Variants in ARMC6 observed in about 807,000 individuals in gnomAD.
ARMC6 encodes the protein armadillo repeat containing 6, also known as armadillo repeat-containing protein 6.
In ARMC6, 43 loss-of-function variants were observed where a neutral mutation model predicts 49.2. That is an observed-to-expected ratio of 0.87 (90% CI 0.69 to 1.13). The LOEUF is 1.13. Among genes scored for constraint, ARMC6 ranks in the 50% most tolerant of loss-of-function variants. The pLI is 0.00. For missense variants in ARMC6, 627 were observed against 682.0 expected (o/e 0.92, Z 0.90); for synonymous variants, 262 against 289.6 (o/e 0.90, Z 0.97).
intron 8 of ARMC6, among the ~76,000 whole-genome samples, chr19:19,056,459 GCC>G (rs1481929615): frequency 6.6e-6 from 1 of 152,006 alleles, no homozygotes; most frequent in Non-Finnish European, 1.5e-5. Context: ...ACAAGGTTTT[GCC>G]ATGTTAGCCA....
intron 2 of ARMC6, chr19:19,037,630 T>A: frequency 8.1e-7 from 1 of 1,240,934 alleles, no homozygotes; most frequent in Admixed American, 2.7e-5. Flanking sequence ...CCTCCCAAAG[T>A]GCAGGCCACC....
At chr19:19,038,609 C>G (rs893857764) in intron 2 of ARMC6, among the ~76,000 whole-genome samples, 9 of 152,152 alleles carry the variant, frequency 5.9e-5, no homozygotes, top group Non-Finnish European at 1.2e-4. Flanking sequence ...CGAAGTCTTG[C>G]TCTTGTTGCC....
chr19:19,055,058 G>C lies in ARMC6; in HGVS notation c.1024-207G>C, dbSNP rs534443620. Among the ~76,000 whole-genome samples, 1 of 152,168 alleles carries C rather than the reference G, an allele frequency of 6.6e-6. No individual in the cohort carries two copies. Among genetic ancestry groups the C allele is most frequent in the Non-Finnish European group, 1.5e-5 (1 of 68,034 alleles). On this transcript the variant is annotated intron_variant, in intron 6 of 8. Transcript: ENST00000535612. The surrounding 1 kb of genome is among the most constrained non-coding windows in gnomAD (Gnocchi z 5.7). ...GTCACATGCCCCCGCTGCCCCTGTC[G>C]GGGTAGGGGATCAAGTCACCTGGAT...
At chr19:19,041,739 G>A (rs1022566914) in intron 2 of ARMC6, among the ~76,000 whole-genome samples, 2 of 152,096 alleles carry the variant, frequency 1.3e-5, no homozygotes, top group Non-Finnish European at 1.5e-5. Flanking sequence ...ACAACTTGAC[G>A]ATTTTATATG....
intron 3 of ARMC6, among the ~76,000 whole-genome samples, chr19:19,043,672 G>A (rs1370666885): frequency 6.6e-6 from 1 of 152,090 alleles, no homozygotes; most frequent in Non-Finnish European, 1.5e-5. Context: ...AGGCTGTGGG[G>A]TCCCTCCCTC....
intron 5 of ARMC6, among the ~76,000 whole-genome samples, chr19:19,053,529 G>A (rs1288318199): frequency 6.6e-6 from 1 of 152,176 alleles, no homozygotes; most frequent in African/African-American, 2.4e-5. Context: ...ATAGCTGATT[G>A]TGGATGGTAA....
Position 19,055,384 on chromosome 19 carries a change from G to C in ARMC6, c.1143G>C (p.Leu381=), listed in dbSNP as rs2059535508. The C allele has an allele frequency of 1.2e-6, 2 of 1,607,798 alleles. No homozygotes were observed. The highest frequency in any genetic ancestry group is 3.4e-5 in the Admixed American group (2 of 58,616). Reference sequence around the variant, plus strand: ...TCGTGGCTGCTATGACCCAGCATCTGACCAGCCCCCAGGTACCCACCTCGG... The same window carrying C: ...TCGTGGCTGCTATGACCCAGCATCTCACCAGCCCCCAGGTACCCACCTCGG... ...ESIVAAMTQH[L]TSPQVCEQSC... Residue 381 remains leucine, a synonymous_variant, in exon 7 of 9, where the codon CTG becomes CTC. Coordinates refer to ENST00000535612, the MANE Select transcript of ARMC6 (RefSeq NM_001199196.2). The surrounding 1 kb of genome is among the most constrained non-coding windows in gnomAD (Gnocchi z 5.7).
chr19:19,036,962 G>A (rs1213114310), intron 2 of ARMC6, among the ~76,000 whole-genome samples: 2 of 151,978 alleles, frequency 1.3e-5, no homozygotes, highest in Non-Finnish European at 2.9e-5. Context: ...GAGGCAGGTG[G>A]GTCACCTGAG....
Position 19,034,233 on chromosome 19 carries a change from A to G in ARMC6, c.24A>G (p.Arg8=), listed in dbSNP as rs2145828172. MSERCCS[R]YSSGASIGCT... is the part of the protein sequence containing the mutation. Reference sequence around the variant, plus strand: ...AAATGAGTGAACGATGTTGCTCTAGATACAGGTAATGGTGTGCAAATAATA... The same window carrying G: ...AAATGAGTGAACGATGTTGCTCTAGGTACAGGTAATGGTGTGCAAATAATA... Residue 8 remains arginine, a synonymous_variant, in exon 2 of 9, where the codon AGA becomes AGG. Transcript: ENST00000535612. 1 of 1,595,054 alleles carries G rather than the reference A, an allele frequency of 6.3e-7. No homozygotes were observed. Among genetic ancestry groups the G allele is most frequent in the Non-Finnish European group, 8.5e-7 (1 of 1,178,436 alleles).
chr19:19,048,130 G>C (rs1415895532), intron 4 of ARMC6, among the ~76,000 whole-genome samples: 2 of 152,158 alleles, frequency 1.3e-5, no homozygotes, highest in African/African-American at 4.8e-5. Context: ...TGGATCACCT[G>C]AGGTCAGGTG....
intron 4 of ARMC6, among the ~76,000 whole-genome samples, chr19:19,047,018 A>C (rs1276408107): frequency 2.2e-5 from 3 of 135,342 alleles, no homozygotes; most frequent in Non-Finnish European, 4.6e-5. Flanking sequence ...CAATGGCAGG[A>C]TCTCGGCTCA....
Position 19,055,057 on chromosome 19 carries a change from C to T in ARMC6, c.1024-208C>T, listed in dbSNP as rs1180103950. ...AGTCACATGCCCCCGCTGCCCCTGT[C>T]GGGGTAGGGGATCAAGTCACCTGGA... is the stretch of plus-strand genomic sequence containing the variant. On this transcript the variant is annotated intron_variant, in intron 6 of 8. Transcript: ENST00000535612. This position sits in a 1 kb window ranked among gnomAD's most constrained non-coding sequence, Gnocchi z 5.7. 3.3e-5 allele frequency among the ~76,000 whole-genome samples: 5 copies of T among 152,166 alleles called. No individual in the cohort carries two copies. The highest frequency in any genetic ancestry group is 2.0e-4 in the Admixed American group (3 of 15,280).
chr19:19,044,164 C>T (rs2059431438), intron 4 of ARMC6, 90 bp downstream of exon 4: 1 of 1,312,646 alleles, frequency 7.6e-7, no homozygotes, highest in South Asian at 1.2e-5. Context: ...AATACAGGCT[C>T]TGAAGGTCAT....
intron 2 of ARMC6, among the ~76,000 whole-genome samples, chr19:19,037,218 C>A (rs1400815165): frequency 6.6e-6 from 1 of 151,780 alleles, no homozygotes; most frequent in East Asian, 1.9e-4. Context: ...AAGTGGAGGG[C>A]ATGGGAACTG....
chr19:19,048,808 G>A (rs2059472564), intron 4 of ARMC6, among the ~76,000 whole-genome samples: 1 of 152,108 alleles, frequency 6.6e-6, no homozygotes, highest in Non-Finnish European at 1.5e-5. Flanking sequence ...TTCAAAATAT[G>A]TCAGAGAAAT....
chr19:19,051,375 C>CTGTGTGTGTGTGTGTGTGTG (rs35164662), intron 4 of ARMC6, among the ~76,000 whole-genome samples: 8 of 139,760 alleles, frequency 5.7e-5, no homozygotes, highest in African/African-American at 1.7e-4. Flanking sequence ...CTCTCTCTCT[C>CTGTGTGTGTGTGTGTGTGTG]TGTGTGTGTG....
intron 5 of ARMC6, 64 bp from the exon 6 acceptor site, chr19:19,054,088 C>G (rs1441802974): frequency 4.9e-6 from 7 of 1,440,318 alleles, no homozygotes; most frequent in Middle Eastern, 2.5e-4. Context: ...GGATCTCCAC[C>G]AAAACAGAGG....
chr19:19,048,341 C>T (rs1568492943), intron 4 of ARMC6, among the ~76,000 whole-genome samples: 2 of 150,768 alleles, frequency 1.3e-5, no homozygotes, highest in African/African-American at 4.9e-5. Flanking sequence ...AGCGAAATTG[C>T]ATCTCAAAAA....
rs1214512399 is a variant in ARMC6 at position 19,055,848 on chromosome 19, A to T, written c.1213A>T (p.Ser405Cys). Residue 405 changes from serine to cysteine, a missense_variant, in exon 8 of 9, where the codon AGC (serine) becomes TGC (cysteine). Ser to Cys is a moderately radical substitution (Grantham distance 112, BLOSUM62 -1). Coordinates refer to ENST00000535612, the MANE Select transcript of ARMC6 (RefSeq NM_001199196.2). The surrounding 1 kb of genome is among the most constrained non-coding windows in gnomAD (Gnocchi z 5.7). ...CFLALRKPDN[S>C]RIIVEGGGAV... ...CCTGGCCCTGCGTAAGCCCGACAAC[A>T]GCCGCATCATCGTGGAGGGTGGCGG... 6.2e-7 allele frequency: 1 copy of T among 1,612,470 alleles called. No individual in the cohort carries two copies. Among genetic ancestry groups the T allele is most frequent in the Admixed American group, 1.7e-5 (1 of 59,974 alleles).
Sources: allele counts gnomAD v4.1 joint callset (sites outside exome capture counted in the v4.1 genomes callset), GRCh38; gene constraint gnomAD v4.1.1; non-coding constraint Gnocchi (gnomAD v3.1); transcripts MANE v1.5; gene names NCBI Gene and HGNC (gene_info 2026-07-23, HGNC 2026-07-21).